Variants in AR observed in about 807,000 individuals in gnomAD.
AR encodes the protein androgen receptor, also known as dihydrotestosterone receptor.
In AR, 8 loss-of-function variants were observed where a neutral mutation model predicts 53.9. The observed-to-expected ratio is 0.15, with a 90% CI of 0.09 to 0.27. The LOEUF (loss-of-function observed/expected upper bound fraction) is 0.27, where lower values mean the gene tolerates loss of function less well. Ranked by LOEUF, AR falls within the 10% of genes least tolerant of loss-of-function variation. The pLI is 1.00. For synonymous variants in AR, 359 were observed against 316.4 expected, an observed-to-expected ratio of 1.13 and a Z score of -1.43; for missense variants, 639 against 742.5, an observed-to-expected ratio of 0.86 and a Z score of 1.62.
intron 1 of AR, among the ~76,000 whole-genome samples, chrX:67,551,358 A>G (rs975908195): frequency 1.8e-5 from 2 of 111,647 alleles, no homozygotes; most frequent in Non-Finnish European, 3.8e-5. Context: ...AAGATATTAA[A>G]GAAATTATTC....
chrX:67,713,410 A>G (rs887600988), intron 4 of AR, among the ~76,000 whole-genome samples: 1 of 111,643 alleles, frequency 9.0e-6, no homozygotes, highest in Non-Finnish European at 1.9e-5. Flanking sequence ...AGGTTGCTTT[A>G]ATTCTTATCA....
At chrX:67,601,328 T>C (rs954659461) in intron 1 of AR, among the ~76,000 whole-genome samples, 1 of 112,081 alleles carries the variant, frequency 8.9e-6, no homozygotes, top group African/African-American at 3.2e-5. Context: ...AAAGTACATT[T>C]TGGCCCATTT....
In AR at chrX:67,671,381, C is replaced by A. The variant is rs1602243146; in HGVS notation, c.1769-14629C>A. Among the ~76,000 whole-genome samples, 4 of 112,550 alleles carry A rather than the reference C, an allele frequency of 3.6e-5. 1 individual carries two copies. In the South Asian group the frequency reaches 1.5e-3, roughly 41 times the overall value. On this transcript the variant is annotated intron_variant, in intron 2 of 7. Coordinates refer to ENST00000374690, the MANE Select transcript of AR (RefSeq NM_000044.6). ...ATGAGCTTTTTTTCATGTTTGTTGG[C>A]AGCATAAATGTCTTCTTTTGAGAAG...
chrX:67,583,864 G>A (rs756203661), intron 1 of AR, among the ~76,000 whole-genome samples: 20 of 111,636 alleles, frequency 1.8e-4, no homozygotes, highest in African/African-American at 6.5e-4. Flanking sequence ...TACATTTTGA[G>A]GTATTGTCTG....
At chrX:67,700,922 A>G (rs1188074068) in intron 3 of AR, among the ~76,000 whole-genome samples, 1 of 111,768 alleles carries the variant, frequency 8.9e-6, no homozygotes, top group Non-Finnish European at 1.9e-5. Context: ...CACCTTTTGA[A>G]AAAGTCCATG....
chrX:67,567,781 A>T (rs147052942), intron 1 of AR, among the ~76,000 whole-genome samples: 1,163 of 112,340 alleles, frequency 0.01, 16 homozygotes, highest in African/African-American at 0.035. Context: ...TAGATGAAAC[A>T]TTAAGTCTAG....
intron 1 of AR, among the ~76,000 whole-genome samples, chrX:67,581,008 C>T (rs1312012837): frequency 2.7e-5 from 3 of 112,012 alleles, no homozygotes; most frequent in East Asian, 2.8e-4. Flanking sequence ...CTGGGTTGGA[C>T]GTGAGAATCA....
intron 1 of AR, among the ~76,000 whole-genome samples, chrX:67,577,855 A>G (rs1922127509): frequency 9.0e-6 from 1 of 111,372 alleles, no homozygotes; most frequent in East Asian, 2.8e-4. Context: ...ATCTTACAAT[A>G]TATTTTGGAT....
intron 4 of AR, among the ~76,000 whole-genome samples, chrX:67,716,296 C>A (rs2076112998): frequency 8.9e-6 from 1 of 111,917 alleles, no homozygotes; most frequent in South Asian, 3.7e-4. Context: ...TGAGGCTACA[C>A]AAGGTGCAAT....
chrX:67,641,822 G>A (rs1425004197), intron 1 of AR, among the ~76,000 whole-genome samples: 1 of 107,757 alleles, frequency 9.3e-6, no homozygotes, highest in African/African-American at 3.3e-5. Context: ...TCCTGACATA[G>A]CTGTTCACTT....
rs780718542 is a variant in AR, at chrX:67,722,994, C to T, written c.2607+10C>T. 107 of 1,208,836 alleles carry T rather than the reference C, an allele frequency of 8.9e-5. No homozygotes were observed. The highest frequency in any genetic ancestry group is 5.0e-4 in the Admixed American group (23 of 45,695). On this transcript the variant is annotated intron_variant, in intron 7 of 7. Transcript: ENST00000374690. The stretch of plus-strand genomic sequence containing the variant: ...GGACTCCGTGCAGCCTGTAAGCAAA[C>T]GATGGAGGGTGCTTTATCAGGGAGA...
intron 2 of AR, among the ~76,000 whole-genome samples, chrX:67,682,945 T>C (rs2075944741): frequency 8.9e-6 from 1 of 112,382 alleles, no homozygotes; most frequent in Admixed American, 9.4e-5. Context: ...TTATGTGTCA[T>C]TTCAAACATT....
In AR at chrX:67,630,351, C is replaced by G. The variant is rs762219889; in HGVS notation, c.1617-12905C>G. Among the ~76,000 whole-genome samples, 414 of 111,285 alleles carry G rather than the reference C, an allele frequency of 3.7e-3. 1 individual carries two copies. The highest frequency in any genetic ancestry group is 0.012 in the African/African-American group (372 of 30,598). On this transcript the variant is annotated intron_variant, in intron 1 of 7. Coordinates refer to ENST00000374690, the MANE Select transcript of AR (RefSeq NM_000044.6). ...ATTGGGTGCATATATATTTAGGATA[C>G]TTAGCTCTTCTTGTTGAATTGATCC...
rs192342235 is a variant in AR at position 67,664,852 on chromosome X, G to C, written c.1769-21158G>C. On this transcript the variant is annotated intron_variant, in intron 2 of 7. Coordinates refer to ENST00000374690, the MANE Select transcript of AR (RefSeq NM_000044.6). ...CCCCCAGCCTCGCTGCTGCCTTGCA[G>C]TTTGGTCTCAGACTGCTATACTAGC... Among the ~76,000 whole-genome samples the C allele has an allele frequency of 6.2e-5, 7 of 112,649 alleles. No homozygotes were observed. In the Admixed American group the frequency reaches 6.5e-4, roughly 11 times the overall value.
intron 2 of AR, among the ~76,000 whole-genome samples, chrX:67,671,002 T>C (rs1204520079): frequency 8.9e-6 from 1 of 112,135 alleles, no homozygotes; most frequent in Non-Finnish European, 1.9e-5. Context: ...CAGTATATCA[T>C]TGATGGGCAT....
At chrX:67,632,987 GC>G (rs1261632741) in intron 1 of AR, among the ~76,000 whole-genome samples, 2 of 112,084 alleles carry the variant, frequency 1.8e-5, no homozygotes, top group Non-Finnish European at 3.8e-5. Flanking sequence ...TATTAAGATG[GC>G]TATAGAATAA....
chrX:67,572,963 TA>T (rs763587905), intron 1 of AR, among the ~76,000 whole-genome samples: 2 of 111,780 alleles, frequency 1.8e-5, no homozygotes, highest in African/African-American at 3.2e-5. Flanking sequence ...ATGACGTGGG[TA>T]AGAATCTTCG....
chrX:67,702,188 G>A (rs1003845613), intron 3 of AR, among the ~76,000 whole-genome samples: 4 of 111,655 alleles, frequency 3.6e-5, no homozygotes, highest in African/African-American at 1.3e-4. Context: ...GTGGAATTAA[G>A]TGATGTAATG....
chrX:67,708,428 A>C (rs962725336), intron 3 of AR, among the ~76,000 whole-genome samples: 1 of 111,246 alleles, frequency 9.0e-6, no homozygotes, highest in Admixed American at 9.6e-5. Flanking sequence ...TTTCCAGTTG[A>C]TCGAATCAGC....
Sources: allele counts gnomAD v4.1 joint callset (sites outside exome capture counted in the v4.1 genomes callset), GRCh38; gene constraint gnomAD v4.1.1; transcripts MANE v1.5; gene names NCBI Gene and HGNC (gene_info 2026-07-23, HGNC 2026-07-21).